The following RNF11 variants were observed in gnomAD, a reference collection of about 807,000 sequenced individuals.
The protein encoded by RNF11 is ring finger protein 11.
RNF11 carries 4 observed loss-of-function variants against 15.8 expected under a neutral mutation model. The observed-to-expected ratio is 0.25, with a 90% CI of 0.12 to 0.58. RNF11 has a LOEUF of 0.58. Ranked by LOEUF, RNF11 falls within the 20% of genes least tolerant of loss-of-function variation. The pLI, the probability that RNF11 is intolerant of heterozygous loss-of-function variation, is 0.91. For missense variants in RNF11, 139 were observed against 194.4 expected, an observed-to-expected ratio of 0.71 and a Z score of 1.70; for synonymous variants, 68 against 72.3, an observed-to-expected ratio of 0.94 and a Z score of 0.30.
intron 1 of RNF11, among the ~76,000 whole-genome samples, chr1:51,242,214 G>A (rs1282629442): frequency 6.6e-6 from 1 of 151,558 alleles, no homozygotes; most frequent in Non-Finnish European, 1.5e-5. Context: ...TGTAAAATAT[G>A]AAAAAGGAAA....
chr1:51,245,461 T>G (rs920122854), intron 1 of RNF11, among the ~76,000 whole-genome samples: 1 of 149,796 alleles, frequency 6.7e-6, no homozygotes, highest in Non-Finnish European at 1.5e-5. Context: ...CCAACAGCCT[T>G]TTTTTTTGGA....
intron 1 of RNF11, among the ~76,000 whole-genome samples, chr1:51,267,084 A>C (rs1646958295): frequency 6.6e-6 from 1 of 152,080 alleles, no homozygotes; most frequent in Non-Finnish European, 1.5e-5. Context: ...CTACCAAAAC[A>C]AAAAAATTGC....
At chr1:51,263,570 C>T (rs1646940370) in intron 1 of RNF11, among the ~76,000 whole-genome samples, 1 of 152,138 alleles carries the variant, frequency 6.6e-6, no homozygotes. Context: ...TGGTAATTCT[C>T]GTGCTTTCAG....
intron 1 of RNF11, among the ~76,000 whole-genome samples, chr1:51,239,060 C>G (rs990939107): frequency 6.6e-6 from 1 of 152,036 alleles, no homozygotes; most frequent in African/African-American, 2.4e-5. Context: ...CTCTTATGCT[C>G]CCTACCCTCA....
chr1:51,237,599 C>G (rs1488516039), intron 1 of RNF11, among the ~76,000 whole-genome samples: 1 of 151,942 alleles, frequency 6.6e-6, no homozygotes, highest in Non-Finnish European at 1.5e-5. Flanking sequence ...TTCGGTTACT[C>G]GTGTTCTCCC....
At chr1:51,246,760 A>G (rs1365030705) in intron 1 of RNF11, among the ~76,000 whole-genome samples, 2 of 152,202 alleles carry the variant, frequency 1.3e-5, no homozygotes, top group Non-Finnish European at 2.9e-5. Context: ...GTTTTATAAG[A>G]TGAAAAGTTA....
intron 2 of RNF11, among the ~76,000 whole-genome samples, 182 bp downstream of exon 2, chr1:51,270,307 A>G (rs1280079023): frequency 6.6e-6 from 1 of 152,180 alleles, no homozygotes; most frequent in Non-Finnish European, 1.5e-5. Context: ...AGAGAATGTT[A>G]TGTAGTAATT....
At chr1:51,244,387 T>TTTTG (rs1275800787) in intron 1 of RNF11, among the ~76,000 whole-genome samples, 6 of 152,278 alleles carry the variant, frequency 3.9e-5, no homozygotes, top group East Asian at 3.9e-4. Flanking sequence ...TTGTTTTTTT[T>TTTTG]TTTGTTTGTT....
chr1:51,249,659 C>T (rs978684501), intron 1 of RNF11, among the ~76,000 whole-genome samples: 3 of 152,096 alleles, frequency 2.0e-5, no homozygotes, highest in Non-Finnish European at 4.4e-5. Flanking sequence ...TTTTTCATTG[C>T]TATGCAGTAT....
chr1:51,243,537 C>T (rs544585560), intron 1 of RNF11, among the ~76,000 whole-genome samples: 5 of 152,274 alleles, frequency 3.3e-5, no homozygotes, highest in South Asian at 2.1e-4. Context: ...CTCCCGGGTC[C>T]GAGCAATTCT....
chr1:51,248,311 G>T (rs1019816212), intron 1 of RNF11, among the ~76,000 whole-genome samples: 1 of 151,378 alleles, frequency 6.6e-6, no homozygotes, highest in Non-Finnish European at 1.5e-5. Flanking sequence ...GGGTTGAAGC[G>T]ATTCTCCTGC....
At chr1:51,268,102 C>A (rs1196014776) in intron 1 of RNF11, among the ~76,000 whole-genome samples, 1 of 152,204 alleles carries the variant, frequency 6.6e-6, no homozygotes, top group Non-Finnish European at 1.5e-5. Context: ...TGTTAGCCAA[C>A]AATTGAATCA....
In RNF11 at chr1:51,273,436, T is replaced by C. The variant is rs1255850732; in HGVS notation, c.*2114T>C. The C allele has an allele frequency of 6.6e-6, 1 of 152,200 alleles. No homozygotes were observed. The highest frequency in any genetic ancestry group is 2.4e-5 in the African/African-American group (1 of 41,456). The allele number at this position is 152,200 out of a possible 1,614,324, so 9.4% of individuals were successfully genotyped here. ...ACTAAGTTGTTAAATAAAGTTATAATACAGCTGTGAAGGGCTAAAGTTAGA... is the reference window on the plus strand; with the variant it reads ...ACTAAGTTGTTAAATAAAGTTATAACACAGCTGTGAAGGGCTAAAGTTAGA... On this transcript the variant is annotated 3_prime_UTR_variant, in exon 3 of 3. Transcript: ENST00000242719.
At chr1:51,264,271 AAAAAAAAAAAAAAAAAATATATATAT>A in intron 1 of RNF11, among the ~76,000 whole-genome samples, 1 of 90,264 alleles carries the variant, frequency 1.1e-5, no homozygotes, top group Admixed American at 1.3e-4. Context: ...AAAAAAAAAA[AAAAAAAAAAAAAAAAAATATATATAT>A]ATATATATAT....
intron 1 of RNF11, among the ~76,000 whole-genome samples, chr1:51,237,216 C>A (rs570289016): frequency 1.0e-3 from 155 of 151,976 alleles, no homozygotes; most frequent in Non-Finnish European, 1.8e-3. Flanking sequence ...ATTTCCTCAT[C>A]GCACCGCCAA....
chr1:51,258,719 G>A (rs1557681004), intron 1 of RNF11, among the ~76,000 whole-genome samples: 2 of 152,126 alleles, frequency 1.3e-5, no homozygotes, highest in South Asian at 2.1e-4. Context: ...TAGTGTCCCC[G>A]TGTCTTCTTT....
intron 1 of RNF11, among the ~76,000 whole-genome samples, chr1:51,256,051 A>T (rs1217751571): frequency 7.9e-5 from 12 of 152,260 alleles, no homozygotes; most frequent in Admixed American, 7.9e-4. Context: ...TAATGAACCC[A>T]CATTGAAATA....
At chr1:51,243,524 C>T (rs1360605349) in intron 1 of RNF11, among the ~76,000 whole-genome samples, 9 of 152,130 alleles carry the variant, frequency 5.9e-5, no homozygotes, top group African/African-American at 9.7e-5. Context: ...CTGCAGCCTC[C>T]GCCTCCCGGG....
chr1:51,258,109 CTCCTAAAGT>C (rs1172765307), intron 1 of RNF11, among the ~76,000 whole-genome samples: 1 of 152,070 alleles, frequency 6.6e-6, no homozygotes, highest in Non-Finnish European at 1.5e-5. Context: ...CTGCCTTGGC[CTCCTAAAGT>C]GCTGGGATTA....
Sources: allele counts gnomAD v4.1 joint callset (sites outside exome capture counted in the v4.1 genomes callset), GRCh38; gene constraint gnomAD v4.1.1; transcripts MANE v1.5; gene names NCBI Gene and HGNC (gene_info 2026-07-23, HGNC 2026-07-21).